Variants in CBLL1 observed in about 807,000 individuals in gnomAD.
CBLL1 encodes Cbl proto-oncogene like 1, also known as E3 ubiquitin-protein ligase Hakai.
CBLL1 carries 4 observed loss-of-function variants against 44.9 expected under a neutral mutation model. That is an observed-to-expected ratio of 0.09 (90% CI 0.04 to 0.20). The LOEUF is 0.20. Ranked by LOEUF, CBLL1 falls within the 10% of genes least tolerant of loss-of-function variation. The probability of loss-of-function intolerance (pLI) is 1.00; values close to 1 mark genes in which losing one functional copy is unlikely to be tolerated. For missense variants in CBLL1, 569 were observed against 636.7 expected, an observed-to-expected ratio of 0.89 and a Z score of 1.14; for synonymous variants, 235 against 202.2, an observed-to-expected ratio of 1.16 and a Z score of -1.38.
intron 2 of CBLL1, among the ~76,000 whole-genome samples, chr7:107,751,146 G>A (rs74573686): frequency 0.019 from 2,867 of 152,108 alleles, 85 homozygotes; most frequent in African/African-American, 0.065. Context: ...GGCAGGGTGC[G>A]GGGAGTGGTT....
At chr7:107,755,583 C>A in intron 5 of CBLL1, 92 bp downstream of exon 5, 1 of 640,940 alleles carries the variant, frequency 1.6e-6, no homozygotes. Flanking sequence ...TGATGTAAAT[C>A]AGGCAGGAGA....
Position 107,759,264 on chromosome 7 carries a change from G to GAGT in CBLL1, c.*88_*90dup. 8.3e-7 allele frequency: 1 copy of GAGT among 1,197,878 alleles called. No homozygotes were observed. The highest frequency in any genetic ancestry group is 1.2e-6 in the Non-Finnish European group (1 of 856,138). 74.2% of individuals were successfully genotyped at this position (1,197,878 alleles called of 1,614,324 possible). A position where few individuals can be genotyped will look rare whatever the true frequency, so the allele number is the denominator to read the frequency against. Reference sequence around the variant, plus strand: ...AAGCTTTGACTGTTTTGGGAAGGAAGAGTACCTCTTATCGAGGTAGTATAA... The same window carrying GAGT: ...AAGCTTTGACTGTTTTGGGAAGGAAGAGTAGTACCTCTTATCGAGGTAGTATAA... On this transcript the variant is annotated 3_prime_UTR_variant, in exon 6 of 6. Coordinates refer to ENST00000440859, the MANE Select transcript of CBLL1 (RefSeq NM_024814.4).
At position 107,759,248 on chromosome 7, in the gene CBLL1, C is replaced by T. The variant is rs550465616; in HGVS notation, c.*70C>T. The stretch of plus-strand genomic sequence containing the variant: ...GTGTAGTCAATCTTTTAAGCTTTGA[C>T]TGTTTTGGGAAGGAAGAGTACCTCT... On this transcript the variant is annotated 3_prime_UTR_variant, in exon 6 of 6. Coordinates refer to ENST00000440859, the MANE Select transcript of CBLL1 (RefSeq NM_024814.4). The T allele has an allele frequency of 2.7e-5, 37 of 1,376,860 alleles. No individual in the cohort carries two copies. Among genetic ancestry groups the T allele is most frequent in the Non-Finnish European group, 3.6e-5 (37 of 1,014,304 alleles). 85.3% of individuals were successfully genotyped at this position (1,376,860 alleles called of 1,614,324 possible).
At chr7:107,752,166 T>C (rs1035532026) in intron 2 of CBLL1, among the ~76,000 whole-genome samples, 2 of 140,352 alleles carry the variant, frequency 1.4e-5, no homozygotes, top group Admixed American at 1.5e-4. Context: ...GCCACTGCAC[T>C]CCAACCTGGG....
At position 107,759,182 on chromosome 7, in the gene CBLL1, TA is replaced by T. The variant is rs1354863646; in HGVS notation, c.*5del. ...ATATAGACCGTATTACCAATGATAA[TA>T]GTATTTTGAATGGAAGATATGAGGG... On this transcript the variant is annotated 3_prime_UTR_variant, in exon 6 of 6. Transcript: ENST00000440859. 6.3e-7 allele frequency: 1 copy of T among 1,578,276 alleles called. No individual in the cohort carries two copies. The highest frequency in any genetic ancestry group is 1.2e-5 in the South Asian group (1 of 86,798).
Position 107,749,055 on chromosome 7 carries a change from GT to G in CBLL1, c.181+11del. 1 of 1,613,368 alleles carries G rather than the reference GT, an allele frequency of 6.2e-7. No homozygotes were observed. On this transcript the variant is annotated intron_variant, in intron 2 of 5. Transcript: ENST00000440859. ...CTCCACCTGGTGATGAAGGTAATTT[GT>G]TTAACTAATAGGTCCAACACTCTTT...
intron 3 of CBLL1, 98 bp from the exon 4 acceptor site, chr7:107,753,797 T>A (rs1447051724): frequency 4.2e-6 from 3 of 711,032 alleles, no homozygotes; most frequent in Non-Finnish European, 6.5e-6. Context: ...TATTTCTAAT[T>A]GTTTTAACAA....
chr7:107,750,480 A>G (rs1277757332), intron 2 of CBLL1, among the ~76,000 whole-genome samples: 1 of 151,634 alleles, frequency 6.6e-6, no homozygotes, highest in African/African-American at 2.4e-5. Context: ...TAATTTTTGT[A>G]TTTTTAGTGG....
chr7:107,752,390 A>G (rs1056989558), intron 2 of CBLL1, among the ~76,000 whole-genome samples: 3 of 152,042 alleles, frequency 2.0e-5, no homozygotes, highest in African/African-American at 7.2e-5. Context: ...TGAAGTGTCT[A>G]TCAGCTTCAA....
At chr7:107,746,172 G>A (rs565228766) in intron 1 of CBLL1, among the ~76,000 whole-genome samples, 2 of 152,230 alleles carry the variant, frequency 1.3e-5, no homozygotes, top group South Asian at 4.2e-4. Context: ...TCTTATTTGA[G>A]CCCACTACTG....
Position 107,761,606 on chromosome 7 carries a change from C to T in CBLL1, c.*2428C>T, listed in dbSNP as rs893043644. ...TGTATGTATGTTTCATTATATTGCT[C>T]TTAAGACTACTGAGGTGGCAGTTTA... is the stretch of plus-strand genomic sequence containing the variant. On this transcript the variant is annotated 3_prime_UTR_variant, in exon 6 of 6. Transcript: ENST00000440859. 6.6e-6 allele frequency: 1 copy of T among 152,100 alleles called. No individual in the cohort carries two copies. The highest frequency in any genetic ancestry group is 2.4e-5 in the African/African-American group (1 of 41,424). The allele number at this position is 152,100 out of a possible 1,614,324, so 9.4% of individuals were successfully genotyped here.
At position 107,744,370 on chromosome 7, in the gene CBLL1, T is replaced by A. The variant is rs145295411; in HGVS notation, c.13+194T>A. The A allele has an allele frequency of 5.4e-3, 3,315 of 618,670 alleles. 26 individuals are homozygous for A. The highest frequency in any genetic ancestry group is 0.018 in the Middle Eastern group (38 of 2,168). The allele number at this position is 618,670 out of a possible 1,614,324, so 38.3% of individuals were successfully genotyped here. A position where few individuals can be genotyped will look rare whatever the true frequency, so the allele number is the denominator to read the frequency against. ...CTGGCCTACCGTCTGGTGTGGTACCTACCTCCTCCGTGCCGGCAACAACCG... is the reference window on the plus strand; with the variant it reads ...CTGGCCTACCGTCTGGTGTGGTACCAACCTCCTCCGTGCCGGCAACAACCG... On this transcript the variant is annotated intron_variant, in intron 1 of 5. Transcript: ENST00000440859.
chr7:107,744,862 A>G (rs1792929861), intron 1 of CBLL1: 1 of 152,178 alleles, frequency 6.6e-6, no homozygotes, highest in Admixed American at 6.5e-5. Flanking sequence ...ACCCTTTGTT[A>G]TGTATTTTCT....
intron 2 of CBLL1, among the ~76,000 whole-genome samples, chr7:107,751,146 G>T (rs74573686): frequency 6.6e-6 from 1 of 152,004 alleles, no homozygotes; most frequent in Non-Finnish European, 1.5e-5. Flanking sequence ...GGCAGGGTGC[G>T]GGGAGTGGTT....
At chr7:107,747,131 A>G (rs1793060283) in intron 1 of CBLL1, among the ~76,000 whole-genome samples, 1 of 152,216 alleles carries the variant, frequency 6.6e-6, no homozygotes, top group African/African-American at 2.4e-5. Context: ...ACAAAAAGCA[A>G]AAAAGTCCCA....
chr7:107,746,854 C>A (rs753572803), intron 1 of CBLL1, among the ~76,000 whole-genome samples: 4 of 152,172 alleles, frequency 2.6e-5, no homozygotes, highest in African/African-American at 7.2e-5. Flanking sequence ...ACTTCTGTAA[C>A]TGTATCCCAG....
At chr7:107,746,507 A>G (rs1263323970) in intron 1 of CBLL1, among the ~76,000 whole-genome samples, 1 of 152,218 alleles carries the variant, frequency 6.6e-6, no homozygotes, top group Non-Finnish European at 1.5e-5. Context: ...AACCTTGTAG[A>G]AGATTCTGGT....
In CBLL1 at chr7:107,758,719, A is replaced by G; in HGVS notation, c.1017A>G (p.Gln339=). 1 of 1,613,772 alleles carries G rather than the reference A, an allele frequency of 6.2e-7. No individual in the cohort carries two copies. Among genetic ancestry groups the G allele is most frequent in the Non-Finnish European group, 8.5e-7 (1 of 1,179,934 alleles). The change falls in exon 6 of 6, where the codon CAA becomes CAG. Residue 339 remains glutamine (Q), a synonymous_variant. Transcript: ENST00000440859. This position sits in a 1 kb window ranked among gnomAD's most constrained non-coding sequence, Gnocchi z 4.2. ...CTCATCATATTATGCCTCCACAGCA[A>G]CATTATGCACCACCCCCACCTCCTC... ...SHPHHIMPPQ[Q]HYAPPPPPPP... is the part of the protein sequence containing the mutation.
intron 1 of CBLL1, 145 bp downstream of exon 1, chr7:107,744,321 T>G: frequency 9.5e-7 from 1 of 1,056,500 alleles, no homozygotes. Flanking sequence ...TGCCTTCCTG[T>G]GCCCGGCAGG....
Sources: allele counts gnomAD v4.1 joint callset (sites outside exome capture counted in the v4.1 genomes callset), GRCh38; gene constraint gnomAD v4.1.1; non-coding constraint Gnocchi (gnomAD v3.1); transcripts MANE v1.5; gene names NCBI Gene and HGNC (gene_info 2026-07-23, HGNC 2026-07-21).